The following ATP5MJ variants were observed in gnomAD, a reference collection of about 807,000 sequenced individuals.
The protein encoded by ATP5MJ is ATP synthase F(0) complex subunit j, mitochondrial.
A neutral mutation model predicts 8.3 loss-of-function variants in ATP5MJ; 4 were observed. That is an observed-to-expected ratio of 0.48 (90% CI 0.24 to 1.11). The LOEUF is 1.11. ATP5MJ is among the 50% of genes least tolerant of loss of function. The pLI, the probability that ATP5MJ is intolerant of heterozygous loss-of-function variation, is 0.18. For synonymous variants in ATP5MJ, 23 were observed against 21.3 expected, an observed-to-expected ratio of 1.08 and a Z score of -0.23; for missense variants, 66 against 71.8, an observed-to-expected ratio of 0.92 and a Z score of 0.29.
At chr14:103,913,897 C>G in intron 3 of ATP5MJ, 64 bp downstream of exon 3, 1 of 1,549,210 alleles carries the variant, frequency 6.5e-7, no homozygotes, top group Non-Finnish European at 8.9e-7. Context: ...AACGATATAC[C>G]TTGTCCTGAA....
intron 1 of ATP5MJ, 168 bp downstream of exon 1, chr14:103,921,302 A>T: frequency 2.7e-6 from 1 of 370,992 alleles, no homozygotes; most frequent in Non-Finnish European, 5.0e-6. Context: ...CCCTCTGGCA[A>T]CCGACCCTGG....
At chr14:103,914,045 C>A in intron 2 of ATP5MJ, 61 bp from the exon 3 acceptor site, 1 of 1,479,830 alleles carries the variant, frequency 6.8e-7, no homozygotes, top group South Asian at 1.2e-5. Context: ...ATGCCTTTGT[C>A]AAAATTAACA....
chr14:103,914,237 T>C (rs185400295), intron 2 of ATP5MJ: 1 of 562,466 alleles, frequency 1.8e-6, no homozygotes, highest in Middle Eastern at 4.5e-4. Flanking sequence ...AGCATAAAGT[T>C]TTCTCTTTTC....
chr14:103,914,847 A>T, intron 2 of ATP5MJ: 1 of 442,082 alleles, frequency 2.3e-6, no homozygotes, highest in Non-Finnish European at 3.8e-6. Flanking sequence ...CAAAAAAAAA[A>T]AAAAAAAAAA....
Position 103,914,837 on chromosome 14 carries a change from C to CAAAAAGGAAAAAAA in ATP5MJ, c.124+228_124+229insTTTTTTTCCTTTTT, listed in dbSNP as rs370479683. ...GGGCGTCAGAGTGAGAGACTGTCTCCAAAAAAAAAAAAAAAAAAAAGAAAA... is the reference window on the plus strand; with the variant it reads ...GGGCGTCAGAGTGAGAGACTGTCTCCAAAAAGGAAAAAAAAAAAAAAAAAAAAAAAAAAAGAAAA... On this transcript the variant is annotated intron_variant, in intron 2 of 3. Transcript: ENST00000286953. The CAAAAAGGAAAAAAA allele has an allele frequency of 1.4e-4, 27 of 191,092 alleles. No homozygotes were observed. In the Admixed American group the frequency reaches 2.2e-3, roughly 15 times the overall value. 11.8% of individuals were successfully genotyped at this position (191,092 alleles called of 1,614,324 possible).
chr14:103,920,922 T>C, intron 1 of ATP5MJ: 1 of 1,539,046 alleles, frequency 6.5e-7, no homozygotes, highest in Non-Finnish European at 8.8e-7. Flanking sequence ...GCACATTACA[T>C]TAAGGGCGAA....
intron 2 of ATP5MJ, chr14:103,914,345 A>G (rs2087605823): frequency 1.1e-5 from 6 of 536,502 alleles, no homozygotes; most frequent in Non-Finnish European, 1.6e-5. Context: ...TTTTTTTACA[A>G]ACAAATTTCA....
intron 1 of ATP5MJ, chr14:103,921,196 C>G: frequency 3.2e-6 from 2 of 628,032 alleles, no homozygotes; most frequent in Non-Finnish European, 5.6e-6. Flanking sequence ...CTCTCAAGGC[C>G]AAGGTACGCT....
chr14:103,917,841 G>A (rs985068015), intron 1 of ATP5MJ, among the ~76,000 whole-genome samples: 3 of 152,140 alleles, frequency 2.0e-5, no homozygotes, highest in Non-Finnish European at 2.9e-5. Flanking sequence ...CCTATAAAGC[G>A]GGTACTCGGA....
intron 1 of ATP5MJ, among the ~76,000 whole-genome samples, chr14:103,919,383 TAAA>T (rs34078178): frequency 0.027 from 3,522 of 130,204 alleles, 77 homozygotes; most frequent in East Asian, 0.075. Flanking sequence ...CCCTTTATCT[TAAA>T]AAAAAAAAAA....
chr14:103,915,036 C>T (rs372604665), intron 2 of ATP5MJ, 30 bp downstream of exon 2: 5 of 1,612,940 alleles, frequency 3.1e-6, no homozygotes, highest in African/African-American at 2.7e-5. Flanking sequence ...TCTTCCTGAC[C>T]TCAGAAAAAT....
chr14:103,912,690 T>C lies in ATP5MJ; in HGVS notation c.153A>G (p.Ser51=). 6.2e-7 allele frequency: 1 copy of C among 1,613,972 alleles called. No homozygotes were observed. Among genetic ancestry groups the C allele is most frequent in the South Asian group, 1.1e-5 (1 of 91,080 alleles). Residue 51 remains serine (S), a synonymous_variant, in exon 4 of 4, where the codon TCA becomes TCG. Coordinates refer to ENST00000286953, the MANE Select transcript of ATP5MJ (RefSeq NM_004894.3). ...ADKRSKALKA[S]APAPGHH is the part of the protein sequence containing the mutation. ...GTTAGTGATGACCAGGAGCAGGCGC[T>C]GAAGCTTTTGAAAGAGATGCATATA...
chr14:103,919,130 C>A (rs1291316311), intron 1 of ATP5MJ, among the ~76,000 whole-genome samples: 1 of 152,168 alleles, frequency 6.6e-6, no homozygotes, highest in African/African-American at 2.4e-5. Flanking sequence ...CGCCTATAAT[C>A]CCAGCATCTC....
intron 1 of ATP5MJ, among the ~76,000 whole-genome samples, chr14:103,919,215 TACTAA>T (rs2087651342): frequency 6.6e-6 from 1 of 150,570 alleles, no homozygotes; most frequent in Non-Finnish European, 1.5e-5. Context: ...AAACCATCTC[TACTAA>T]AAATACAAAA....
intron 1 of ATP5MJ, among the ~76,000 whole-genome samples, chr14:103,916,002 C>T (rs17101928): frequency 0.023 from 3,516 of 152,240 alleles, 73 homozygotes; most frequent in East Asian, 0.06. Flanking sequence ...ATGTCGCATT[C>T]GAAGCTGAAA....
intron 1 of ATP5MJ, among the ~76,000 whole-genome samples, chr14:103,918,518 G>A (rs1466790957): frequency 2.6e-5 from 4 of 151,906 alleles, no homozygotes; most frequent in African/African-American, 9.6e-5. Flanking sequence ...CCGCCACCAC[G>A]CCTGGCTAAT....
At chr14:103,916,099 T>G (rs1432324535) in intron 1 of ATP5MJ, among the ~76,000 whole-genome samples, 3 of 152,200 alleles carry the variant, frequency 2.0e-5, no homozygotes, top group Non-Finnish European at 4.4e-5. Context: ...CATCTTGAAG[T>G]CTATTGCTAA....
At chr14:103,913,833 T>C (rs761951001) in intron 3 of ATP5MJ, 128 bp downstream of exon 3, 1 of 1,095,196 alleles carries the variant, frequency 9.1e-7, no homozygotes, top group Non-Finnish European at 1.3e-6. Context: ...CTGTGAAGCA[T>C]TTCAACTGCA....
At chr14:103,915,015 G>C (rs2087613859) in intron 2 of ATP5MJ, 51 bp downstream of exon 2, 1 of 1,609,436 alleles carries the variant, frequency 6.2e-7, no homozygotes. Context: ...GATTCTTTTT[G>C]AAAATAATTT....
Sources: gnomAD v4.1 joint callset for allele counts (sites outside exome capture counted in the v4.1 genomes callset) on GRCh38, gnomAD v4.1.1 for gene constraint, MANE v1.5 for transcripts, NCBI Gene and HGNC (gene_info 2026-07-23, HGNC 2026-07-21) for gene names.